Variants in SLC17A5 observed in about 807,000 individuals in gnomAD.
SLC17A5 encodes the protein solute carrier family 17 member 5.
SLC17A5 carries 47 observed loss-of-function variants against 59.4 expected under a neutral mutation model. The observed-to-expected ratio is 0.79, with a 90% CI of 0.63 to 1.01. SLC17A5 has a LOEUF of 1.01. Among genes scored for constraint, SLC17A5 ranks in the 50% least tolerant of loss-of-function variants. The probability of loss-of-function intolerance (pLI) is 0.00; values close to 1 mark genes in which losing one functional copy is unlikely to be tolerated. For synonymous variants in SLC17A5, 202 were observed against 210.7 expected (o/e 0.96, Z 0.36); for missense variants, 522 against 595.5 (o/e 0.88, Z 1.28).
chr6:73,642,546 G>T (rs1027891765), intron 2 of SLC17A5, among the ~76,000 whole-genome samples: 2 of 152,116 alleles, frequency 1.3e-5, no homozygotes, highest in African/African-American at 4.8e-5. Context: ...CATTTCAGAC[G>T]AAGCACTTAA....
intron 8 of SLC17A5, among the ~76,000 whole-genome samples, chr6:73,612,751 T>C (rs1015397252): frequency 6.6e-6 from 1 of 152,112 alleles, no homozygotes; most frequent in African/African-American, 2.4e-5. Context: ...ATTAGATAGT[T>C]TTAAAAGTTA....
chr6:73,596,477 G>T (rs951126402), intron 10 of SLC17A5, among the ~76,000 whole-genome samples: 1 of 152,102 alleles, frequency 6.6e-6, no homozygotes. Context: ...TAAATTTCTG[G>T]GTCATGTGAC....
At chr6:73,628,635 A>C (rs1768548714) in intron 6 of SLC17A5, among the ~76,000 whole-genome samples, 1 of 150,348 alleles carries the variant, frequency 6.7e-6, no homozygotes, top group Non-Finnish European at 1.5e-5. Context: ...TGCTCAGATC[A>C]TTTGCTCAGC....
At chr6:73,639,198 CAT>C (rs750162398) in intron 3 of SLC17A5, among the ~76,000 whole-genome samples, 6 of 152,076 alleles carry the variant, frequency 3.9e-5, no homozygotes, top group Non-Finnish European at 8.8e-5. Context: ...CAGGGAGTTT[CAT>C]AGAGACTGGG....
Position 73,653,810 on chromosome 6 carries a change from G to A in SLC17A5, c.77C>T (p.Ala26Val), listed in dbSNP as rs980844552. The A allele has an allele frequency of 6.3e-7, 1 of 1,596,108 alleles. No individual in the cohort carries two copies. Among genetic ancestry groups the A allele is most frequent in the Non-Finnish European group, 8.5e-7 (1 of 1,172,820 alleles). The part of the protein sequence containing the change: ...STDRTPLLPG[A>V]PRAEAAPVCC... ...CCGCTTACCGGCTTCGGCCCGTGGGGCGCCCGGTAGAAGAGGCGTGCGGTC... is the reference window on the plus strand; with the variant it reads ...CCGCTTACCGGCTTCGGCCCGTGGGACGCCCGGTAGAAGAGGCGTGCGGTC... Residue 26 changes from alanine to valine, a missense_variant, in exon 1 of 11, where the codon GCC (alanine) becomes GTC (valine). Around this residue, in one of 3 missense-constraint regions of SLC17A5, gnomAD observed 338 missense variants for 363.8 expected, o/e 0.93. Transcript: ENST00000355773.
In SLC17A5 at chr6:73,647,925, C is replaced by T. The variant is rs575297250; in HGVS notation, c.95-3322G>A. On this transcript the variant is annotated intron_variant, in intron 1 of 10. Transcript: ENST00000355773. ...CTCTACTAAAAATACAAAAATTAGC[C>T]GGGCGTGGTGGCAGGCACTTGTAAT... 8.8e-4 allele frequency among the ~76,000 whole-genome samples: 134 copies of T among 152,132 alleles called. 1 individual carries two copies. In the South Asian group the frequency reaches 0.011, roughly 12 times the overall value.
intron 9 of SLC17A5, among the ~76,000 whole-genome samples, chr6:73,606,925 C>T (rs1425374503): frequency 6.6e-6 from 1 of 152,182 alleles, no homozygotes; most frequent in Non-Finnish European, 1.5e-5. Flanking sequence ...ACTATATTTT[C>T]TTTATTCTAT....
chr6:73,635,918 T>C (rs1338054597), intron 5 of SLC17A5, among the ~76,000 whole-genome samples: 1 of 151,982 alleles, frequency 6.6e-6, no homozygotes, highest in African/African-American at 2.4e-5. Flanking sequence ...TTTTTGTATT[T>C]TGAGTAGAGA....
intron 7 of SLC17A5, among the ~76,000 whole-genome samples, chr6:73,617,156 T>C (rs1259287074): frequency 6.6e-6 from 1 of 151,984 alleles, no homozygotes; most frequent in East Asian, 1.9e-4. Context: ...CTGGGCATCA[T>C]GATACATGAC....
chr6:73,637,760 A>G (rs563003638), intron 4 of SLC17A5, among the ~76,000 whole-genome samples: 32 of 152,184 alleles, frequency 2.1e-4, no homozygotes, highest in Non-Finnish European at 4.6e-4. Context: ...GCTTAAAAGT[A>G]CCACAGAGAG....
rs1223985406 is a variant in SLC17A5 at position 73,621,865 on chromosome 6, T to G, written c.917A>C (p.Tyr306Ser). 6.2e-7 allele frequency: 1 copy of G among 1,613,466 alleles called. No individual in the cohort carries two copies. Among genetic ancestry groups the G allele is most frequent in the African/African-American group, 1.3e-5 (1 of 74,924 alleles). The change falls in exon 7 of 11, where the codon TAT (tyrosine) becomes TCT (serine). Residue 306 changes from tyrosine to serine, a missense_variant. Physicochemically the swap from Tyr to Ser is moderately radical, Grantham distance 144. Around this residue, in one of 3 missense-constraint regions of SLC17A5, gnomAD observed 31 missense variants for 63.2 expected, o/e 0.49. Transcript: ENST00000355773. ...VAHFSYNWTF[Y>S]TLLTLLPTYM... ...AGTAGGCAATAATGTCAATAAAGTA[T>G]AAAAAGTCCAGTTGTAAGAAAAGTG...
chr6:73,603,208 T>G (rs1480681906), intron 9 of SLC17A5, among the ~76,000 whole-genome samples: 1 of 152,050 alleles, frequency 6.6e-6, no homozygotes, highest in Non-Finnish European at 1.5e-5. Context: ...CTCAGCTCAT[T>G]GCAACCTCCG....
At chr6:73,631,607 T>C (rs1581979197) in intron 6 of SLC17A5, among the ~76,000 whole-genome samples, 1 of 152,004 alleles carries the variant, frequency 6.6e-6, no homozygotes, top group South Asian at 2.1e-4. Flanking sequence ...ACCCAACTTG[T>C]TCAACTACAA....
intron 6 of SLC17A5, among the ~76,000 whole-genome samples, chr6:73,625,428 C>T (rs1425868876): frequency 3.3e-5 from 5 of 152,094 alleles, no homozygotes; most frequent in Non-Finnish European, 7.3e-5. Context: ...CTCAGGTGAT[C>T]CGCTAGCCTC....
intron 9 of SLC17A5, among the ~76,000 whole-genome samples, chr6:73,603,945 A>G (rs1210289269): frequency 6.6e-6 from 1 of 151,944 alleles, no homozygotes; most frequent in African/African-American, 2.4e-5. Flanking sequence ...AAAAACACTT[A>G]AAGGAGAAGG....
At chr6:73,624,337 G>C (rs148355737) in intron 6 of SLC17A5, among the ~76,000 whole-genome samples, 1,753 of 152,266 alleles carry the variant, frequency 0.012, 42 homozygotes, top group African/African-American at 0.04. Context: ...CCGGGAGGTG[G>C]AGGTTGCAGA....
At chr6:73,600,959 C>T (rs1297245395) in intron 9 of SLC17A5, among the ~76,000 whole-genome samples, 1 of 151,994 alleles carries the variant, frequency 6.6e-6, no homozygotes, top group African/African-American at 2.4e-5. Flanking sequence ...TAGGCCCGGC[C>T]GCCACCCCGT....
At chr6:73,645,135 A>G (rs376328826) in intron 1 of SLC17A5, among the ~76,000 whole-genome samples, 45 of 152,316 alleles carry the variant, frequency 3.0e-4, no homozygotes, top group African/African-American at 7.7e-4. Context: ...CTGAAAAACT[A>G]TCTGAAACAT....
Position 73,636,681 on chromosome 6 carries a change from G to A in SLC17A5, c.640C>T (p.Leu214Phe). 6.2e-7 allele frequency: 1 copy of A among 1,611,744 alleles called. No individual in the cohort carries two copies. The highest frequency in any genetic ancestry group is 2.2e-5 in the East Asian group (1 of 44,866). Residue 214 changes from leucine (L) to phenylalanine (F), a missense_variant, in exon 5 of 11, where the codon CTT becomes TTT. Around this residue, in one of 3 missense-constraint regions of SLC17A5, gnomAD observed 338 missense variants for 363.8 expected, o/e 0.93. Coordinates refer to ENST00000355773, the MANE Select transcript of SLC17A5 (RefSeq NM_012434.5). ...AGAQLGTVISLPLSGIICYYM... is the reference protein window; with the variant it reads ...AGAQLGTVISFPLSGIICYYM... The stretch of plus-strand genomic sequence containing the variant: ...TAGCAAATTATTCCAGAAAGAGGAA[G>A]AGAAATTACTGTCCCAAGCTGTGCT...
Sources: allele counts gnomAD v4.1 joint callset (sites outside exome capture counted in the v4.1 genomes callset), GRCh38; gene constraint gnomAD v4.1.1; regional missense constraint gnomAD v4.1.1; transcripts MANE v1.5; gene names NCBI Gene and HGNC (gene_info 2026-07-23, HGNC 2026-07-21).